CDCP1: variants seen among roughly 807,000 people sequenced by gnomAD.
CDCP1 encodes the protein CUB domain-containing protein 1.
CDCP1 carries 29 observed loss-of-function variants against 60.2 expected under a neutral mutation model. That is an observed-to-expected ratio of 0.48 (90% CI 0.36 to 0.66). The LOEUF (loss-of-function observed/expected upper bound fraction) is 0.66, where lower values mean the gene tolerates loss of function less well. Ranked by LOEUF, CDCP1 falls within the 30% of genes least tolerant of loss-of-function variation. The pLI is 0.00. For missense variants in CDCP1, 876 were observed against 1,074.3 expected (o/e 0.82, Z 2.58); for synonymous variants, 387 against 431.1 (o/e 0.90, Z 1.27).
chr3:45,084,133 A>G lies in CDCP1; in HGVS notation c.*1505T>C, dbSNP rs1057053263. 6 of 151,970 alleles carry G rather than the reference A, an allele frequency of 3.9e-5. No individual in the cohort carries two copies. Among genetic ancestry groups the G allele is most frequent in the Non-Finnish European group, 5.9e-5 (4 of 68,008 alleles). 9.4% of individuals were successfully genotyped at this position (151,970 alleles called of 1,614,324 possible). A position where few individuals can be genotyped will look rare whatever the true frequency, so the allele number is the denominator to read the frequency against. ...GGGCTGTGGTGACCTGGTGAAGTGGACACCCCTTCTAAAGGCAGAGCTGGT... is the reference window on the plus strand; with the variant it reads ...GGGCTGTGGTGACCTGGTGAAGTGGGCACCCCTTCTAAAGGCAGAGCTGGT... On this transcript the variant is annotated 3_prime_UTR_variant, in exon 9 of 9. Coordinates refer to ENST00000296129, the MANE Select transcript of CDCP1 (RefSeq NM_022842.5).
At chr3:45,132,355 G>A (rs547740030) in intron 1 of CDCP1, among the ~76,000 whole-genome samples, 7 of 152,084 alleles carry the variant, frequency 4.6e-5, no homozygotes, top group Admixed American at 1.3e-4. Flanking sequence ...GGTTACATCC[G>A]GCTATTTCTA....
At chr3:45,142,490 G>A (rs1309632470) in intron 1 of CDCP1, among the ~76,000 whole-genome samples, 1 of 152,208 alleles carries the variant, frequency 6.6e-6, no homozygotes, top group African/African-American at 2.4e-5. Context: ...AAATTGGAGG[G>A]AGGAAAATGC....
rs1215050786 is a variant in CDCP1, at chr3:45,089,119, T to G, written c.2016A>C (p.Ala672=). ...RTVDLTVILI[A]AVGGGVLLLS... ...GCAGTAAGACTCCACCTCCCACCGC[T>G]GCGATGAGGATGACAGTCAAGTCTG... is the stretch of plus-strand genomic sequence containing the variant. Residue 672 remains alanine (A), a synonymous_variant, in exon 8 of 9, where the codon GCA becomes GCC. Coordinates refer to ENST00000296129, the MANE Select transcript of CDCP1 (RefSeq NM_022842.5). 4 of 1,613,902 alleles carry G rather than the reference T, an allele frequency of 2.5e-6. No individual in the cohort carries two copies. Among genetic ancestry groups the G allele is most frequent in the Non-Finnish European group, 3.4e-6 (4 of 1,179,990 alleles).
intron 4 of CDCP1, among the ~76,000 whole-genome samples, chr3:45,108,998 G>A (rs527860865): frequency 7.6e-6 from 1 of 131,770 alleles, no homozygotes; most frequent in South Asian, 2.6e-4. Flanking sequence ...CACCCAGGCT[G>A]GAGTGCAGTG....
rs1016944622 is a variant in CDCP1, at chr3:45,091,042, G to A, written c.1993+131C>T. On this transcript the variant is annotated intron_variant, in intron 7 of 8. Coordinates refer to ENST00000296129, the MANE Select transcript of CDCP1 (RefSeq NM_022842.5). This position sits in a 1 kb window ranked among gnomAD's most constrained non-coding sequence, Gnocchi z 4.8. The stretch of plus-strand genomic sequence containing the variant: ...TGGTTTGTTACTCAGCACTATTGAT[G>A]CAATAGCTGACTGATACATGGACAG... The A allele has an allele frequency of 2.2e-5, 22 of 982,486 alleles. No homozygotes were observed. The highest frequency in any genetic ancestry group is 2.4e-5 in the Non-Finnish European group (16 of 668,788). The allele number at this position is 982,486 out of a possible 1,614,324, so 60.9% of individuals were successfully genotyped here.
chr3:45,091,509 T>G lies in CDCP1; in HGVS notation c.1657A>C (p.Thr553Pro), dbSNP rs753630080. ...GTCCTCAGGTAGACCTTGCTTTTTG[T>G]GTCAGGGGTCACCGTGAAAACGCCT... ...EEGVFTVTPD[T>P]KSKVYLRTPN... Residue 553 changes from threonine (T) to proline (P), a missense_variant, in exon 7 of 9, where the codon ACA becomes CCA. Physicochemically the swap from Thr to Pro is conservative, Grantham distance 38. Around this residue, in one of 2 missense-constraint regions of CDCP1, gnomAD observed 726 missense variants for 935.7 expected, o/e 0.78. Coordinates refer to ENST00000296129, the MANE Select transcript of CDCP1 (RefSeq NM_022842.5). This position sits in a 1 kb window ranked among gnomAD's most constrained non-coding sequence, Gnocchi z 4.8. 8.1e-6 allele frequency: 13 copies of G among 1,606,564 alleles called. No individual in the cohort carries two copies. The South Asian group carries it at 1.4e-4, about 18-fold the overall frequency.
At position 45,146,358 on chromosome 3, in the gene CDCP1, G is replaced by C. The variant is rs1349684861; in HGVS notation, c.-71C>G. 7 of 1,359,682 alleles carry C rather than the reference G, an allele frequency of 5.1e-6. No individual in the cohort carries two copies. In the East Asian group the frequency reaches 1.8e-4, roughly 35 times the overall value. 84.2% of individuals were successfully genotyped at this position (1,359,682 alleles called of 1,614,324 possible). On this transcript the variant is annotated 5_prime_UTR_variant, in exon 1 of 9. Coordinates refer to ENST00000296129, the MANE Select transcript of CDCP1 (RefSeq NM_022842.5). Reference sequence around the variant, plus strand: ...GCGGCGGCCCCAGGCGCCCAAGCCCGGCGCAGCTGCGCTCCGCCCTGGCTC... The same window carrying C: ...GCGGCGGCCCCAGGCGCCCAAGCCCCGCGCAGCTGCGCTCCGCCCTGGCTC...
chr3:45,117,656 G>C (rs1246382149), intron 2 of CDCP1, among the ~76,000 whole-genome samples: 1 of 151,056 alleles, frequency 6.6e-6, no homozygotes, highest in Non-Finnish European at 1.5e-5. Flanking sequence ...GAGTGCAGTG[G>C]TGTGTTCTGG....
rs149651089 is a variant in CDCP1, at chr3:45,100,935, A to G, written c.1025-5367T>C. 7.8e-3 allele frequency among the ~76,000 whole-genome samples: 1,188 copies of G among 152,342 alleles called. 8 individuals carry two copies. The highest frequency in any genetic ancestry group is 0.011 in the Non-Finnish European group (729 of 68,024). On this transcript the variant is annotated intron_variant, in intron 4 of 8. Transcript: ENST00000296129. ...ATCAGCTGAGGCTAAATTATGCTGC[A>G]GCAACAAATGATCCCCAAATCTGAA...
At chr3:45,144,073 A>C (rs1466002853) in intron 1 of CDCP1, among the ~76,000 whole-genome samples, 2 of 152,190 alleles carry the variant, frequency 1.3e-5, no homozygotes, top group Non-Finnish European at 2.9e-5. Flanking sequence ...GGAGGTTTTC[A>C]AAAGGCTATG....
chr3:45,134,830 G>A (rs187718962), intron 1 of CDCP1, among the ~76,000 whole-genome samples: 4 of 152,322 alleles, frequency 2.6e-5, no homozygotes, highest in Non-Finnish European at 2.9e-5. Context: ...AGGGCCCAGG[G>A]CAGCTTCCAG....
intron 1 of CDCP1, among the ~76,000 whole-genome samples, chr3:45,121,800 A>C (rs988265256): frequency 6.6e-6 from 1 of 152,248 alleles, no homozygotes; most frequent in African/African-American, 2.4e-5. Context: ...CAAACTGTAC[A>C]CTTAAAATTG....
chr3:45,091,712 A>G lies in CDCP1; in HGVS notation c.1628-174T>C, dbSNP rs1698299476. On this transcript the variant is annotated intron_variant, in intron 6 of 8. Transcript: ENST00000296129. This position sits in a 1 kb window ranked among gnomAD's most constrained non-coding sequence, Gnocchi z 4.8. ...CCATCTGATAGGGTAGCCACCAGCT[A>G]TATGTCTGCTGAGCCTTGAAATGTG... 6.6e-6 allele frequency among the ~76,000 whole-genome samples: 1 copy of G among 152,256 alleles called. No individual in the cohort carries two copies. Among genetic ancestry groups the G allele is most frequent in the Non-Finnish European group, 1.5e-5 (1 of 68,048 alleles).
chr3:45,144,790 T>C (rs1437508936), intron 1 of CDCP1, among the ~76,000 whole-genome samples: 1 of 152,204 alleles, frequency 6.6e-6, no homozygotes, highest in African/African-American at 2.4e-5. Context: ...TCCTTTTTAT[T>C]CTTAAACTAA....
Position 45,091,119 on chromosome 3 carries a change from C to G in CDCP1, c.1993+54G>C. The G allele has an allele frequency of 6.4e-7, 1 of 1,560,700 alleles. No homozygotes were observed. Among genetic ancestry groups the G allele is most frequent in the South Asian group, 1.2e-5 (1 of 84,368 alleles). On this transcript the variant is annotated intron_variant, in intron 7 of 8. Transcript: ENST00000296129. The surrounding 1 kb of genome is among the most constrained non-coding windows in gnomAD (Gnocchi z 4.8). Reference sequence around the variant, plus strand: ...TGTCTCCAGGCTTGCTCTCTATCCTCCAGCTGACAATTTTTTGTTCATCAC... The same window carrying G: ...TGTCTCCAGGCTTGCTCTCTATCCTGCAGCTGACAATTTTTTGTTCATCAC...
At chr3:45,142,309 GT>G (rs1357379911) in intron 1 of CDCP1, among the ~76,000 whole-genome samples, 25 of 152,130 alleles carry the variant, frequency 1.6e-4, no homozygotes, top group African/African-American at 4.8e-4. Context: ...CCAAACCCAG[GT>G]CAGCACCGCT....
At chr3:45,110,869 A>G (rs1457633748) in intron 3 of CDCP1, 28 bp from the exon 4 acceptor site, 1 of 1,588,984 alleles carries the variant, frequency 6.3e-7, no homozygotes, top group East Asian at 2.2e-5. Flanking sequence ...CAAACCAGAA[A>G]GAATAGGGAG....
At chr3:45,119,817 A>G (rs1698852829) in intron 1 of CDCP1, among the ~76,000 whole-genome samples, 3 of 152,322 alleles carry the variant, frequency 2.0e-5, no homozygotes, top group Middle Eastern at 3.4e-3. Context: ...ATATACAAAT[A>G]TTTTCCTCAC....
intron 4 of CDCP1, among the ~76,000 whole-genome samples, chr3:45,100,685 A>G (rs1457886499): frequency 5.9e-5 from 9 of 152,190 alleles, no homozygotes. Flanking sequence ...ATTGTACCTT[A>G]AAAATGTTTT....
Sources: gnomAD v4.1 joint callset for allele counts (sites outside exome capture counted in the v4.1 genomes callset) on GRCh38, gnomAD v4.1.1 for gene constraint, gnomAD v4.1.1 regional missense constraint, Gnocchi (gnomAD v3.1) non-coding constraint, MANE v1.5 for transcripts, NCBI Gene and HGNC (gene_info 2026-07-23, HGNC 2026-07-21) for gene names.